The following DNAH17 variants were observed in gnomAD, a reference collection of about 807,000 sequenced individuals.
The protein encoded by DNAH17 is axonemal beta dynein heavy chain 17.
DNAH17 carries 376 observed loss-of-function variants against 485.6 expected under a neutral mutation model. That is an observed-to-expected ratio of 0.77 (90% confidence interval 0.71 to 0.84). The LOEUF (loss-of-function observed/expected upper bound fraction) is 0.84. Ranked by LOEUF, DNAH17 falls within the 40% of genes least tolerant of loss-of-function variation. The pLI is 0.00. For synonymous variants in DNAH17, 3,031 were observed against 2,405.9 expected, an observed-to-expected ratio of 1.26 and a Z score of -7.60; for missense variants, 6,370 against 5,839.3, an observed-to-expected ratio of 1.09 and a Z score of -2.96.
intron 80 of DNAH17, 37 bp from the exon 81 acceptor site, chr17:78,424,190 C>T (rs1026695847): frequency 3.2e-6 from 5 of 1,577,478 alleles, no homozygotes; most frequent in Non-Finnish European, 4.3e-6. Flanking sequence ...AGGTGTGCTG[C>T]CAGTAAGTGA....
At position 78,548,202 on chromosome 17, in the gene DNAH17, C is replaced by CTTTTTTTTTTTTTTTTTTTTTTT. The variant is rs34701814; in HGVS notation, c.2391+3332_2391+3333insAAAAAAAAAAAAAAAAAAAAAAA. ...GTTGTTATTTCGTAGATGTCATGGC[C>CTTTTTTTTTTTTTTTTTTTTTTT]TTTTTTTTTTTTTTTTTTTGGAGAC... On this transcript the variant is annotated intron_variant, in intron 16 of 80. Coordinates refer to ENST00000389840, the MANE Select transcript of DNAH17 (RefSeq NM_173628.4). Among the ~76,000 whole-genome samples, 3 of 80,102 alleles carry CTTTTTTTTTTTTTTTTTTTTTTT rather than the reference C, an allele frequency of 3.7e-5. 1 individual carries two copies. Among genetic ancestry groups the CTTTTTTTTTTTTTTTTTTTTTTT allele is most frequent in the African/African-American group, 1.6e-4 (3 of 18,704 alleles). 52.6% of individuals were successfully genotyped at this position (80,102 alleles called of 152,430 possible).
chr17:78,480,484 C>T (rs531505487), intron 49 of DNAH17, among the ~76,000 whole-genome samples, 200 bp downstream of exon 49: 6 of 152,252 alleles, frequency 3.9e-5, no homozygotes, highest in African/African-American at 1.2e-4. Flanking sequence ...GCCAGTTGAC[C>T]GGGTCACAGG....
intron 77 of DNAH17, among the ~76,000 whole-genome samples, chr17:78,427,448 C>T (rs77023823): frequency 0.021 from 3,221 of 152,294 alleles, 116 homozygotes; most frequent in African/African-American, 0.073. Context: ...CGACTTTGTC[C>T]TTTACGTGGG....
chr17:78,559,442 C>A (rs899466560), intron 13 of DNAH17, among the ~76,000 whole-genome samples: 3 of 152,220 alleles, frequency 2.0e-5, no homozygotes, highest in Non-Finnish European at 4.4e-5. Context: ...CTCTTCCAAT[C>A]ACGCTCCATT....
chr17:78,504,077 T>C (rs1641528046), intron 31 of DNAH17, among the ~76,000 whole-genome samples: 1 of 151,868 alleles, frequency 6.6e-6, no homozygotes, highest in Non-Finnish European at 1.5e-5. Flanking sequence ...GTAGATTTTT[T>C]TTTTTGGAGA....
chr17:78,547,738 C>T (rs1028502257), intron 16 of DNAH17, among the ~76,000 whole-genome samples: 1 of 152,068 alleles, frequency 6.6e-6, no homozygotes, highest in East Asian at 1.9e-4. Context: ...CTGCCTCAGC[C>T]TCTCTAGTAG....
At chr17:78,526,366 G>A (rs1467852127) in intron 24 of DNAH17, among the ~76,000 whole-genome samples, 1 of 152,186 alleles carries the variant, frequency 6.6e-6, no homozygotes, top group African/African-American at 2.4e-5. Context: ...GTCACACAGG[G>A]TGTTAAGGGG....
At chr17:78,571,137 G>A (rs1218731660) in intron 5 of DNAH17, 104 bp from the exon 6 acceptor site, 2 of 1,298,066 alleles carry the variant, frequency 1.5e-6, no homozygotes, top group Non-Finnish European at 2.2e-6. Context: ...TCAGGAAATG[G>A]GGCCTTTCTC....
intron 54 of DNAH17, chr17:78,472,747 T>C (rs998598900): frequency 2.2e-6 from 1 of 455,030 alleles, no homozygotes; most frequent in Non-Finnish European, 4.4e-6. Context: ...TGGCCCTGGT[T>C]TCCCCTCCCC....
chr17:78,522,612 C>A, intron 25 of DNAH17: 1 of 261,452 alleles, frequency 3.8e-6, no homozygotes, highest in South Asian at 4.1e-5. Context: ...ACACCCACGC[C>A]GACTTCACCC....
At chr17:78,519,918 T>C (rs968945923) in intron 25 of DNAH17, among the ~76,000 whole-genome samples, 1 of 152,194 alleles carries the variant, frequency 6.6e-6, no homozygotes, top group African/African-American at 2.4e-5. Flanking sequence ...GAGACCAGCC[T>C]GACCAACATA....
intron 37 of DNAH17, among the ~76,000 whole-genome samples, chr17:78,498,556 G>A (rs570830375): frequency 2.2e-4 from 33 of 152,256 alleles, no homozygotes; most frequent in Non-Finnish European, 3.7e-4. Flanking sequence ...CACCCAGGTC[G>A]CCCCAGCCAC....
At chr17:78,487,942 C>T (rs921143596) in intron 44 of DNAH17, among the ~76,000 whole-genome samples, 8 of 152,282 alleles carry the variant, frequency 5.3e-5, no homozygotes, top group African/African-American at 7.2e-5. Context: ...TATTATCCAG[C>T]GTAATAGAGT....
chr17:78,472,424 C>A (rs1258361991), intron 54 of DNAH17, among the ~76,000 whole-genome samples: 1 of 152,124 alleles, frequency 6.6e-6, no homozygotes, highest in Non-Finnish European at 1.5e-5. Context: ...AAGCCCCCAC[C>A]CCACCCGATG....
At chr17:78,485,457 T>G in intron 47 of DNAH17, 93 bp downstream of exon 47, 1 of 1,245,740 alleles carries the variant, frequency 8.0e-7, no homozygotes, top group Non-Finnish European at 1.1e-6. Context: ...AAGTGGCTAG[T>G]GAGTGCCTGG....
chr17:78,544,460 T>C (rs997412543), intron 16 of DNAH17, among the ~76,000 whole-genome samples: 3 of 151,970 alleles, frequency 2.0e-5, no homozygotes, highest in African/African-American at 4.8e-5. Flanking sequence ...GGGTAGAGAG[T>C]AGGGTCAGGA....
chr17:78,571,931 G>T (rs1007124352), intron 3 of DNAH17, 149 bp from the exon 4 acceptor site: 2 of 719,330 alleles, frequency 2.8e-6, no homozygotes, highest in East Asian at 5.7e-5. Context: ...CAGCCACCTC[G>T]GGGACGCTAA....
At position 78,557,241 on chromosome 17, in the gene DNAH17, C is replaced by A. The variant is rs530219143; in HGVS notation, c.2178+867G>T. ...GGAAATGCCCATCCAGTCCTCCCCA[C>A]ATTAACAGAAGTAATGGAAGCAATG... On this transcript the variant is annotated intron_variant, in intron 14 of 80. Transcript: ENST00000389840. 2.6e-5 allele frequency among the ~76,000 whole-genome samples: 4 copies of A among 152,284 alleles called. No homozygotes were observed. In the South Asian group the frequency reaches 8.3e-4, roughly 32 times the overall value.
At chr17:78,431,909 C>T (rs1367177926) in intron 75 of DNAH17, among the ~76,000 whole-genome samples, 4 of 152,050 alleles carry the variant, frequency 2.6e-5, no homozygotes, top group Non-Finnish European at 4.4e-5. Flanking sequence ...CGGTGGCTCA[C>T]GCCTGTAATC....
Sources: allele counts gnomAD v4.1 joint callset (sites outside exome capture counted in the v4.1 genomes callset), GRCh38; gene constraint gnomAD v4.1.1; transcripts MANE v1.5; gene names NCBI Gene and HGNC (gene_info 2026-07-23, HGNC 2026-07-21).